The following IKBKB variants were observed in gnomAD, a reference collection of about 807,000 sequenced individuals.
The protein encoded by IKBKB is inhibitor of nuclear factor kappa B kinase subunit beta.
IKBKB carries 42 observed loss-of-function variants against 113.6 expected under a neutral mutation model. That is an observed-to-expected ratio of 0.37 (90% CI 0.29 to 0.48). The LOEUF (loss-of-function observed/expected upper bound fraction) is 0.48. Ranked by LOEUF, IKBKB falls within the 20% of genes least tolerant of loss-of-function variation. IKBKB has a pLI of 0.99. For missense variants in IKBKB, 673 were observed against 939.7 expected, an observed-to-expected ratio of 0.72 and a Z score of 3.71; for synonymous variants, 296 against 361.3, an observed-to-expected ratio of 0.82 and a Z score of 2.05.
chr8:42,312,148 A>T (rs1486360957), intron 8 of IKBKB, among the ~76,000 whole-genome samples: 1 of 152,162 alleles, frequency 6.6e-6, no homozygotes, highest in Non-Finnish European at 1.5e-5. Flanking sequence ...GGCCTCCCAA[A>T]GTGCTGGGAT....
chr8:42,282,877 T>C (rs1810647394), intron 2 of IKBKB, among the ~76,000 whole-genome samples: 1 of 152,332 alleles, frequency 6.6e-6, no homozygotes, highest in South Asian at 2.1e-4. Flanking sequence ...TGAAGGCCAC[T>C]GTGTTAGGAA....
At chr8:42,297,525 C>A (rs1022023637) in intron 5 of IKBKB, among the ~76,000 whole-genome samples, 7 of 152,200 alleles carry the variant, frequency 4.6e-5, no homozygotes, top group African/African-American at 1.7e-4. Context: ...AGAACAGTGT[C>A]AAGATAACAG....
At chr8:42,277,357 A>G (rs1809392779) in intron 2 of IKBKB, among the ~76,000 whole-genome samples, 1 of 150,970 alleles carries the variant, frequency 6.6e-6, no homozygotes, top group Admixed American at 6.6e-5. Flanking sequence ...TAGTTTTTAT[A>G]TTTTTAGTAG....
intron 5 of IKBKB, among the ~76,000 whole-genome samples, chr8:42,297,308 A>G (rs1442533702): frequency 2.0e-5 from 3 of 152,130 alleles, no homozygotes; most frequent in Non-Finnish European, 4.4e-5. Context: ...ACATTTCCTG[A>G]GCATATTTTG....
rs1304785362 is a variant in IKBKB, at chr8:42,331,129, A to G, written c.*150A>G. The G allele has an allele frequency of 8.6e-7, 1 of 1,166,068 alleles. No individual in the cohort carries two copies. The highest frequency in any genetic ancestry group is 1.2e-6 in the Non-Finnish European group (1 of 811,050). 72.2% of individuals were successfully genotyped at this position (1,166,068 alleles called of 1,614,324 possible). The stretch of plus-strand genomic sequence containing the variant: ...GCTCTCACATGGTGGTTCCTGCTGC[A>G]CTGATGGCCCAGGGGTCTCTGGTAT... On this transcript the variant is annotated 3_prime_UTR_variant, in exon 22 of 22. Transcript: ENST00000520810.
At chr8:42,298,765 T>C (rs146910320) in intron 5 of IKBKB, among the ~76,000 whole-genome samples, 2,497 of 152,226 alleles carry the variant, frequency 0.016, 28 homozygotes, top group Non-Finnish European at 0.023. Flanking sequence ...CCGAGTGCTC[T>C]CTAGGGCCCC....
At chr8:42,297,338 C>T (rs1296258210) in intron 5 of IKBKB, among the ~76,000 whole-genome samples, 2 of 152,210 alleles carry the variant, frequency 1.3e-5, no homozygotes, top group African/African-American at 4.8e-5. Flanking sequence ...GTTCCAAGTG[C>T]TGGCCTCACA....
At chr8:42,271,753 C>A in intron 1 of IKBKB, 1 of 502,270 alleles carries the variant, frequency 2.0e-6, no homozygotes, top group Non-Finnish European at 3.5e-6. Flanking sequence ...GCCCCTGCCA[C>A]CTCGGGCAGA....
At chr8:42,309,199 G>T (rs1305895056) in intron 8 of IKBKB, among the ~76,000 whole-genome samples, 174 bp downstream of exon 8, 1 of 152,222 alleles carries the variant, frequency 6.6e-6, no homozygotes, top group Non-Finnish European at 1.5e-5. Flanking sequence ...TGTGCTCCAA[G>T]GACCTGTTAA....
At chr8:42,293,736 A>C (rs556972989) in intron 5 of IKBKB, among the ~76,000 whole-genome samples, 3 of 152,116 alleles carry the variant, frequency 2.0e-5, no homozygotes, top group Non-Finnish European at 4.4e-5. Flanking sequence ...TGATTAACTC[A>C]TCAGGTGAAT....
intron 5 of IKBKB, among the ~76,000 whole-genome samples, chr8:42,301,156 C>T (rs1174870742): frequency 6.6e-6 from 1 of 152,230 alleles, no homozygotes; most frequent in Non-Finnish European, 1.5e-5. Flanking sequence ...CATGCCTGGC[C>T]TCACTGTGTA....
At position 42,331,306 on chromosome 8, in the gene IKBKB, G is replaced by C; in HGVS notation, c.*327G>C. Reference sequence around the variant, plus strand: ...CATCGCTGGCCCCACAAACGTTCAGGGGTACAGCCATGGCAGCTCCTTCCT... The same window carrying C: ...CATCGCTGGCCCCACAAACGTTCAGCGGTACAGCCATGGCAGCTCCTTCCT... On this transcript the variant is annotated 3_prime_UTR_variant, in exon 22 of 22. Transcript: ENST00000520810. The C allele has an allele frequency of 1.4e-6, 1 of 702,432 alleles. No individual in the cohort carries two copies. 43.5% of individuals were successfully genotyped at this position (702,432 alleles called of 1,614,324 possible).
At chr8:42,311,918 G>A (rs192231076) in intron 8 of IKBKB, among the ~76,000 whole-genome samples, 1 of 152,170 alleles carries the variant, frequency 6.6e-6, no homozygotes, top group East Asian at 1.9e-4. Flanking sequence ...ACAGAATCTC[G>A]CTTTTTTGCC....
In IKBKB at chr8:42,317,758, T is replaced by C; in HGVS notation, c.1227T>C (p.Ser409=). 1.2e-6 allele frequency: 2 copies of C among 1,606,554 alleles called. No homozygotes were observed. Among genetic ancestry groups the C allele is most frequent in the Non-Finnish European group, 1.7e-6 (2 of 1,173,090 alleles). ...TQISPRPQPE[S]VSCILQEPKR... ...TCTCCCCACGGCCCCAACCTGAAAGTGTCAGCTGTATCCGTAAGAATTTGT... is the reference window on the plus strand; with the variant it reads ...TCTCCCCACGGCCCCAACCTGAAAGCGTCAGCTGTATCCGTAAGAATTTGT... Residue 409 remains serine (S), a synonymous_variant, in exon 12 of 22, where the codon AGT becomes AGC. Coordinates refer to ENST00000520810, the MANE Select transcript of IKBKB (RefSeq NM_001556.3).
At position 42,330,418 on chromosome 8, in the gene IKBKB, T is replaced by C. The variant is rs993045314; in HGVS notation, c.2206-496T>C. 2.8e-5 allele frequency: 16 copies of C among 568,624 alleles called. No homozygotes were observed. The African/African-American group carries it at 2.9e-4, about 10-fold the overall frequency. 35.2% of individuals were successfully genotyped at this position (568,624 alleles called of 1,614,324 possible). A position where few individuals can be genotyped will look rare whatever the true frequency, so the allele number is the denominator to read the frequency against. ...CCAGGCTGGTCTTGAACTCCTGGCC[T>C]CAAGCGATCCGCTCGCCTCTGCCTC... On this transcript the variant is annotated intron_variant, in intron 21 of 21. Coordinates refer to ENST00000520810, the MANE Select transcript of IKBKB (RefSeq NM_001556.3).
chr8:42,322,208 G>A, intron 18 of IKBKB, 55 bp downstream of exon 18: 1 of 1,562,878 alleles, frequency 6.4e-7, no homozygotes. Context: ...GCAGGTATGA[G>A]GTCACCTTCC....
chr8:42,279,002 A>G (rs1030881586), intron 2 of IKBKB, among the ~76,000 whole-genome samples: 5 of 152,024 alleles, frequency 3.3e-5, no homozygotes, highest in Non-Finnish European at 7.4e-5. Flanking sequence ...CTGAGAAAAA[A>G]AAAAAGAGAG....
At chr8:42,327,757 C>T (rs1273299490) in intron 20 of IKBKB, among the ~76,000 whole-genome samples, 19 of 149,898 alleles carry the variant, frequency 1.3e-4, no homozygotes, top group Middle Eastern at 3.4e-3. Flanking sequence ...CTCAGCCTTC[C>T]GAGTAGCTGG....
At chr8:42,296,294 T>C (rs1466109298) in intron 5 of IKBKB, among the ~76,000 whole-genome samples, 1 of 151,486 alleles carries the variant, frequency 6.6e-6, no homozygotes, top group African/African-American at 2.4e-5. Flanking sequence ...GTCAGGAGTT[T>C]GAGACTAGCC....
Sources: gnomAD v4.1 joint callset for allele counts (sites outside exome capture counted in the v4.1 genomes callset) on GRCh38, gnomAD v4.1.1 for gene constraint, MANE v1.5 for transcripts, NCBI Gene and HGNC (gene_info 2026-07-23, HGNC 2026-07-21) for gene names.